Variants in LDLRAD4 observed in about 807,000 individuals in gnomAD.
LDLRAD4 encodes the protein low density lipoprotein receptor class A domain containing 4.
A neutral mutation model predicts 17.0 loss-of-function variants in LDLRAD4; 5 were observed. The observed-to-expected ratio is 0.29, with a 90% CI of 0.15 to 0.62. LDLRAD4 has a LOEUF of 0.62. LDLRAD4 is among the 20% of genes least tolerant of loss of function. The probability of loss-of-function intolerance (pLI) is 0.84; values close to 1 mark genes in which losing one functional copy is unlikely to be tolerated. For missense variants in LDLRAD4, 340 were observed against 424.7 expected, an observed-to-expected ratio of 0.80 and a Z score of 1.75; for synonymous variants, 168 against 171.8, an observed-to-expected ratio of 0.98 and a Z score of 0.17.
intron 1 of LDLRAD4, among the ~76,000 whole-genome samples, chr18:13,219,426 C>T (rs9960937): frequency 0.031 from 4,661 of 152,242 alleles, 97 homozygotes; most frequent in East Asian, 0.062. Flanking sequence ...CTATTCCCTT[C>T]TCTTTTTCTC....
At chr18:13,352,636 G>A (rs971695445) in intron 1 of LDLRAD4, among the ~76,000 whole-genome samples, 16 of 152,080 alleles carry the variant, frequency 1.1e-4, no homozygotes, top group African/African-American at 3.9e-4. Flanking sequence ...TCTCAAAGTT[G>A]AGACATTTTC....
chr18:13,437,755 C>T (rs1203454275), intron 2 of LDLRAD4, among the ~76,000 whole-genome samples: 1 of 152,216 alleles, frequency 6.6e-6, no homozygotes, highest in Non-Finnish European at 1.5e-5. Context: ...CAGATTCTCA[C>T]CACAGGACAG....
intron 1 of LDLRAD4, among the ~76,000 whole-genome samples, chr18:13,318,271 T>G (rs893910424): frequency 2.6e-5 from 4 of 152,112 alleles, no homozygotes; most frequent in Non-Finnish European, 5.9e-5. Context: ...TGAAATCTTT[T>G]TTTTTTTTGA....
chr18:13,329,386 G>A (rs973214541), intron 1 of LDLRAD4, among the ~76,000 whole-genome samples: 1 of 152,094 alleles, frequency 6.6e-6, no homozygotes, highest in East Asian at 1.9e-4. Flanking sequence ...ATTTTAATTT[G>A]CATTTATTTT....
chr18:13,478,822 A>G (rs1418027365), intron 3 of LDLRAD4, among the ~76,000 whole-genome samples: 1 of 152,250 alleles, frequency 6.6e-6, no homozygotes. Flanking sequence ...TAGCCAACAC[A>G]GTACTGAAGG....
chr18:13,641,828 T>C, intron 4 of LDLRAD4: 1 of 985,664 alleles, frequency 1.0e-6, no homozygotes, highest in South Asian at 4.7e-5. Flanking sequence ...TGCTGGTTTT[T>C]CGGGAAATAA....
intron 1 of LDLRAD4, among the ~76,000 whole-genome samples, chr18:13,323,795 G>A (rs2081372245): frequency 6.6e-6 from 1 of 152,072 alleles, no homozygotes; most frequent in African/African-American, 2.4e-5. Flanking sequence ...TAATAAAGAA[G>A]GAAATAAGTT....
At chr18:13,254,752 C>T (rs2043412189) in intron 1 of LDLRAD4, among the ~76,000 whole-genome samples, 1 of 152,172 alleles carries the variant, frequency 6.6e-6, no homozygotes, top group African/African-American at 2.4e-5. Flanking sequence ...CATTTGAGCC[C>T]AAGAGTTTGA....
intron 1 of LDLRAD4, among the ~76,000 whole-genome samples, chr18:13,265,084 C>T (rs2044141701): frequency 6.6e-6 from 1 of 152,170 alleles, no homozygotes; most frequent in African/African-American, 2.4e-5. Flanking sequence ...TGTGATTCTA[C>T]CTTCTAAGTG....
chr18:13,498,806 C>T (rs186196668), intron 3 of LDLRAD4, among the ~76,000 whole-genome samples: 1,619 of 141,854 alleles, frequency 0.011, 15 homozygotes, highest in South Asian at 0.026. Flanking sequence ...CACGTCCCGC[C>T]GTGGACACTG....
intron 3 of LDLRAD4, among the ~76,000 whole-genome samples, chr18:13,490,914 T>G (rs1035016523): frequency 6.6e-6 from 1 of 152,214 alleles, no homozygotes; most frequent in African/African-American, 2.4e-5. Context: ...CCTTTAGATC[T>G]GGGCCTCTGT....
intron 2 of LDLRAD4, among the ~76,000 whole-genome samples, chr18:13,392,295 C>T (rs780989606): frequency 4.6e-5 from 7 of 152,242 alleles, no homozygotes; most frequent in Non-Finnish European, 8.8e-5. Flanking sequence ...CTCTAAAGGC[C>T]GCCTGAGTGC....
chr18:13,440,254 A>G lies in LDLRAD4; in HGVS notation c.181+1870A>G, dbSNP rs368126631. Among the ~76,000 whole-genome samples, 1 of 151,244 alleles carries G rather than the reference A, an allele frequency of 6.6e-6. No homozygotes were observed. The highest frequency in any genetic ancestry group is 6.6e-5 in the Admixed American group (1 of 15,168). ...TTTGCCGAGGGCTTCCTTGTTTTCA[A>G]CCCTCCTTCCTACCCTTCCCTCCTC... On this transcript the variant is annotated intron_variant, in intron 3 of 5. Transcript: ENST00000359446. The surrounding 1 kb of genome is among the most constrained non-coding windows in gnomAD (Gnocchi z 4.4).
intron 1 of LDLRAD4, among the ~76,000 whole-genome samples, chr18:13,370,574 A>G (rs1169645979): frequency 6.6e-6 from 1 of 152,048 alleles, no homozygotes; most frequent in Non-Finnish European, 1.5e-5. Flanking sequence ...AGGAGATGGC[A>G]CCCTTTCCGT....
At chr18:13,579,300 C>T (rs1435095528) in intron 3 of LDLRAD4, among the ~76,000 whole-genome samples, 1 of 152,196 alleles carries the variant, frequency 6.6e-6, no homozygotes, top group African/African-American at 2.4e-5. Context: ...TATTGAATTA[C>T]AGTCATTTGT....
At chr18:13,405,748 G>A (rs2087679836) in intron 2 of LDLRAD4, among the ~76,000 whole-genome samples, 1 of 151,910 alleles carries the variant, frequency 6.6e-6, no homozygotes, top group African/African-American at 2.4e-5. Context: ...GCCCCTATGC[G>A]AGCGTTTTCA....
chr18:13,453,232 G>A (rs757674202), intron 3 of LDLRAD4, among the ~76,000 whole-genome samples: 12 of 152,112 alleles, frequency 7.9e-5, no homozygotes, highest in Non-Finnish European at 1.6e-4. Flanking sequence ...GCACGTGCTC[G>A]CGTTTTGGAA....
intron 1 of LDLRAD4, among the ~76,000 whole-genome samples, chr18:13,262,635 C>T (rs1333847232): frequency 5.6e-5 from 4 of 71,250 alleles, no homozygotes; most frequent in African/African-American, 2.6e-4. Context: ...GAGTCCCGTG[C>T]GGCTCCGTGC....
intron 1 of LDLRAD4, among the ~76,000 whole-genome samples, chr18:13,353,945 C>T (rs566869480): frequency 1.9e-4 from 29 of 152,308 alleles, no homozygotes; most frequent in African/African-American, 6.3e-4. Flanking sequence ...TGAATGAGGG[C>T]CTGGAGCCTC....
Sources: gnomAD v4.1 joint callset for allele counts (sites outside exome capture counted in the v4.1 genomes callset) on GRCh38, gnomAD v4.1.1 for gene constraint, Gnocchi (gnomAD v3.1) non-coding constraint, MANE v1.5 for transcripts, NCBI Gene and HGNC (gene_info 2026-07-23, HGNC 2026-07-21) for gene names.